Variants in POU2F3 observed in about 807,000 individuals in gnomAD.
POU2F3 encodes POU class 2 homeobox 3, also known as POU domain, class 2, transcription factor 3.
Under a neutral mutation model 59.2 loss-of-function variants are expected in POU2F3, and 23 were observed. The ratio of observed to expected loss-of-function variants is 0.39; its 90% CI spans 0.28 to 0.55. The LOEUF (loss-of-function observed/expected upper bound fraction) is 0.55, where lower values mean the gene tolerates loss of function less well. Ranked by LOEUF, POU2F3 falls within the 20% of genes least tolerant of loss-of-function variation. The pLI is 0.66. For synonymous variants in POU2F3, 190 were observed against 214.6 expected (o/e 0.89, Z 1.00); for missense variants, 473 against 544.5 (o/e 0.87, Z 1.31).
At chr11:120,280,353 C>A (rs1315011046) in intron 3 of POU2F3, among the ~76,000 whole-genome samples, 1 of 152,138 alleles carries the variant, frequency 6.6e-6, no homozygotes, top group Non-Finnish European at 1.5e-5. Flanking sequence ...TAGGAGAGGT[C>A]AAGCAACCTG....
chr11:120,290,786 A>G (rs1426844613), intron 3 of POU2F3, among the ~76,000 whole-genome samples: 1 of 152,216 alleles, frequency 6.6e-6, no homozygotes, highest in Non-Finnish European at 1.5e-5. Context: ...GTAGTGCTTC[A>G]CGATCATAAG....
At chr11:120,295,303 A>G (rs987548715) in intron 3 of POU2F3, among the ~76,000 whole-genome samples, 21 of 152,116 alleles carry the variant, frequency 1.4e-4, no homozygotes, top group Admixed American at 1.2e-3. Context: ...CTTGTGCATA[A>G]TGAGTCTACA....
Position 120,298,343 on chromosome 11 carries a change from A to T in POU2F3, c.211A>T (p.Met71Leu). ...ATGCCACCTGAGTCAAGGACCTGCC[A>T]TGATGTCCGGAAACCAAATGTCTGG... is the stretch of plus-strand genomic sequence containing the variant. Reference protein sequence around the residue: ...RPCHLSQGPAMMSGNQMSGLN... With the variant: ...RPCHLSQGPALMSGNQMSGLN... The change falls in exon 4 of 13, where the codon ATG (methionine) becomes TTG (leucine). Residue 71 changes from methionine (M) to leucine (L), a missense_variant. Met to Leu is a conservative substitution (Grantham distance 15). Transcript: ENST00000543440. The T allele has an allele frequency of 6.2e-7, 1 of 1,613,888 alleles. No individual in the cohort carries two copies. Among genetic ancestry groups the T allele is most frequent in the Non-Finnish European group, 8.5e-7 (1 of 1,179,908 alleles).
upstream of POU2F3, among the ~76,000 whole-genome samples, chr11:120,238,727 A>G (rs1437725449): frequency 6.7e-6 from 1 of 148,834 alleles, no homozygotes; most frequent in Non-Finnish European, 1.5e-5. Flanking sequence ...TCAGCCACTC[A>G]GGAGGCTGAG....
chr11:120,317,200 C>G (rs755041480), intron 11 of POU2F3, 29 bp from the exon 12 acceptor site: 4 of 1,612,840 alleles, frequency 2.5e-6, no homozygotes, highest in Non-Finnish European at 2.5e-6. Flanking sequence ...CATTATTTCC[C>G]CCTTGTTTTT....
chr11:120,284,546 G>A (rs933225912), intron 3 of POU2F3, among the ~76,000 whole-genome samples: 13 of 152,128 alleles, frequency 8.5e-5, no homozygotes, highest in South Asian at 2.1e-4. Context: ...CTAGGGACCC[G>A]GAGTGTGTGC....
intron 8 of POU2F3, among the ~76,000 whole-genome samples, chr11:120,307,069 C>A (rs1285398658): frequency 6.6e-6 from 1 of 152,252 alleles, no homozygotes; most frequent in Non-Finnish European, 1.5e-5. Flanking sequence ...ACATTTCACT[C>A]AGTATTCACA....
chr11:120,244,773 C>T (rs1565351224), intron 1 of POU2F3, among the ~76,000 whole-genome samples: 2 of 152,160 alleles, frequency 1.3e-5, no homozygotes, highest in Admixed American at 6.5e-5. Context: ...GAGGGGAGCC[C>T]GTTTCTCCAT....
chr11:120,262,652 A>C (rs182212656), intron 2 of POU2F3, among the ~76,000 whole-genome samples: 1 of 152,326 alleles, frequency 6.6e-6, no homozygotes, highest in Admixed American at 6.5e-5. Context: ...TAATTGCTTT[A>C]TGTATCAGCT....
chr11:120,316,843 T>A (rs1457290142), intron 11 of POU2F3, among the ~76,000 whole-genome samples: 1 of 152,226 alleles, frequency 6.6e-6, no homozygotes, highest in Non-Finnish European at 1.5e-5. Flanking sequence ...CCTATGCACT[T>A]GCCTTTCTTT....
At chr11:120,243,949 CA>C (rs1243832457) in intron 1 of POU2F3, among the ~76,000 whole-genome samples, 1 of 152,144 alleles carries the variant, frequency 6.6e-6, no homozygotes, top group Non-Finnish European at 1.5e-5. Flanking sequence ...GACTAAATGT[CA>C]GGCTAACTTG....
At chr11:120,260,724 G>C (rs546720543) in intron 2 of POU2F3, among the ~76,000 whole-genome samples, 1 of 152,278 alleles carries the variant, frequency 6.6e-6, no homozygotes, top group South Asian at 2.1e-4. Flanking sequence ...ATATGCTGGC[G>C]TTGGGGGGTT....
intron 3 of POU2F3, among the ~76,000 whole-genome samples, chr11:120,297,093 G>A (rs985859680): frequency 6.6e-6 from 1 of 152,184 alleles, no homozygotes; most frequent in African/African-American, 2.4e-5. Flanking sequence ...ATCTGGATAG[G>A]GAACAACCAG....
chr11:120,240,090 C>T, upstream of POU2F3: 1 of 1,132,618 alleles, frequency 8.8e-7, no homozygotes, highest in Non-Finnish European at 1.1e-6. Flanking sequence ...GGGCTCCTGC[C>T]AGGGGGCGTG....
intron 10 of POU2F3, among the ~76,000 whole-genome samples, chr11:120,313,691 A>G (rs971273224): frequency 1.3e-5 from 2 of 152,204 alleles, no homozygotes; most frequent in Non-Finnish European, 2.9e-5. Flanking sequence ...AGCTGGCCGC[A>G]CTGACCAAAT....
chr11:120,307,770 A>C (rs1941539438), intron 9 of POU2F3, among the ~76,000 whole-genome samples, 155 bp downstream of exon 9: 1 of 152,162 alleles, frequency 6.6e-6, no homozygotes, highest in Non-Finnish European at 1.5e-5. Context: ...GCGCCCAGGT[A>C]TTGGAGTGCA....
At chr11:120,290,197 C>A (rs1046012025) in intron 3 of POU2F3, among the ~76,000 whole-genome samples, 1 of 152,150 alleles carries the variant, frequency 6.6e-6, no homozygotes, top group African/African-American at 2.4e-5. Flanking sequence ...CCAGAGATAA[C>A]CATTTGCTTC....
intron 4 of POU2F3, among the ~76,000 whole-genome samples, chr11:120,298,874 T>C (rs1395045392): frequency 6.6e-6 from 1 of 152,198 alleles, no homozygotes; most frequent in Non-Finnish European, 1.5e-5. Flanking sequence ...AGGGATCACC[T>C]GGGGGAGAAA....
intron 2 of POU2F3, among the ~76,000 whole-genome samples, chr11:120,257,968 G>A (rs898509628): frequency 2.6e-5 from 4 of 152,206 alleles, no homozygotes; most frequent in Admixed American, 1.3e-4. Flanking sequence ...AGCTCTTCCA[G>A]CCTCAGTTTC....
Sources: gnomAD v4.1 joint callset for allele counts (sites outside exome capture counted in the v4.1 genomes callset) on GRCh38, gnomAD v4.1.1 for gene constraint, MANE v1.5 for transcripts, NCBI Gene and HGNC (gene_info 2026-07-23, HGNC 2026-07-21) for gene names.